NCOR1: variants seen among roughly 807,000 people sequenced by gnomAD.
NCOR1 encodes nuclear receptor corepressor 1, also known as protein phosphatase 1, regulatory subunit 109.
NCOR1 carries 63 observed loss-of-function variants against 288.1 expected under a neutral mutation model. The observed-to-expected ratio is 0.22, with a 90% CI of 0.18 to 0.27. The LOEUF (loss-of-function observed/expected upper bound fraction) is 0.27, where lower values mean the gene tolerates loss of function less well. Ranked by LOEUF, NCOR1 falls within the 10% of genes least tolerant of loss-of-function variation. NCOR1 has a pLI of 1.00. For synonymous variants in NCOR1, 1,007 were observed against 1,065.9 expected, an observed-to-expected ratio of 0.94 and a Z score of 1.08; for missense variants, 2,397 against 3,019.2, an observed-to-expected ratio of 0.79 and a Z score of 4.83.
chr17:16,145,632 C>T (rs2077831092), intron 10 of NCOR1, among the ~76,000 whole-genome samples: 2 of 151,722 alleles, frequency 1.3e-5, no homozygotes, highest in African/African-American at 2.4e-5. Context: ...GCAGCCGCCC[C>T]GTCTGGGAAG....
intron 26 of NCOR1, among the ~76,000 whole-genome samples, chr17:16,079,374 A>C (rs2152807205): frequency 6.6e-6 from 1 of 152,350 alleles, no homozygotes; most frequent in Admixed American, 6.5e-5. Context: ...GATTTCCCAA[A>C]ACAGAATTTT....
At chr17:16,211,176 G>A (rs899922037) in intron 1 of NCOR1, among the ~76,000 whole-genome samples, 1 of 152,056 alleles carries the variant, frequency 6.6e-6, no homozygotes, top group Non-Finnish European at 1.5e-5. Flanking sequence ...TCACTTCTCC[G>A]ACCTTCAGTG....
intron 26 of NCOR1, among the ~76,000 whole-genome samples, chr17:16,078,914 T>C (rs973288516): frequency 6.6e-6 from 1 of 152,206 alleles, no homozygotes; most frequent in Non-Finnish European, 1.5e-5. Context: ...AACTTTCTTT[T>C]CTTCTGTTTT....
At chr17:16,095,330 T>G (rs1393646092) in intron 21 of NCOR1, among the ~76,000 whole-genome samples, 1 of 132,338 alleles carries the variant, frequency 7.6e-6, no homozygotes, top group African/African-American at 2.9e-5. Flanking sequence ...TCTGCCCGGC[T>G]GCCACCCCGT....
At chr17:16,046,901 CATT>C in intron 42 of NCOR1, 47 bp downstream of exon 42, 1 of 1,600,452 alleles carries the variant, frequency 6.2e-7, no homozygotes, top group South Asian at 1.1e-5. Context: ...CTGGAGATAT[CATT>C]ATTAATGCAT....
At chr17:16,117,855 G>T in intron 18 of NCOR1, 33 bp downstream of exon 18, 2 of 1,597,874 alleles carry the variant, frequency 1.3e-6, no homozygotes, top group African/African-American at 1.3e-5. Context: ...GTAAAAAACA[G>T]TAAGTAAAGA....
chr17:16,176,120 G>A (rs2084125478), intron 3 of NCOR1, among the ~76,000 whole-genome samples: 1 of 152,124 alleles, frequency 6.6e-6, no homozygotes, highest in South Asian at 2.1e-4. Context: ...TTGGGAGGCT[G>A]AGGTAGGAGA....
chr17:16,082,329 G>C (rs947377842), intron 23 of NCOR1, among the ~76,000 whole-genome samples: 25 of 152,092 alleles, frequency 1.6e-4, no homozygotes, highest in African/African-American at 6.0e-4. Flanking sequence ...ACAGAGCAGG[G>C]AACAGAAAAT....
intron 14 of NCOR1, among the ~76,000 whole-genome samples, chr17:16,136,781 TG>T (rs2076471724): frequency 7.5e-6 from 1 of 132,964 alleles, no homozygotes; most frequent in African/African-American, 3.1e-5. Flanking sequence ...CACTCCAGCC[TG>T]GGCGACAGAG....
intron 32 of NCOR1, among the ~76,000 whole-genome samples, chr17:16,067,286 T>C (rs1393354408): frequency 6.6e-6 from 1 of 152,252 alleles, no homozygotes; most frequent in Non-Finnish European, 1.5e-5. Flanking sequence ...TGACATAATT[T>C]GTAAATCAAG....
Position 16,047,110 on chromosome 17 carries a change from T to A in NCOR1, c.6537-17A>T. The stretch of plus-strand genomic sequence containing the variant: ...GCATCATTCCTGTTAGGGCCAAAGT[T>A]AAGTATATTACAACCACGTACTCCT... On this transcript the variant is annotated splice_polypyrimidine_tract_variant and intron_variant, in intron 41 of 45. Coordinates refer to ENST00000268712, the MANE Select transcript of NCOR1 (RefSeq NM_006311.4). 4 of 1,605,638 alleles carry A rather than the reference T, an allele frequency of 2.5e-6. No homozygotes were observed. The highest frequency in any genetic ancestry group is 3.4e-6 in the Non-Finnish European group (4 of 1,176,022).
intron 1 of NCOR1, among the ~76,000 whole-genome samples, chr17:16,208,829 C>T (rs900619221): frequency 2.6e-5 from 4 of 151,792 alleles, no homozygotes; most frequent in African/African-American, 9.7e-5. Flanking sequence ...CAGAGACAGA[C>T]CCTCTGTAAA....
At chr17:16,160,850 T>G (rs2080704360) in intron 5 of NCOR1, among the ~76,000 whole-genome samples, 1 of 151,984 alleles carries the variant, frequency 6.6e-6, no homozygotes, top group African/African-American at 2.4e-5. Flanking sequence ...AATCAGACCA[T>G]GCCCAAATGA....
intron 3 of NCOR1, among the ~76,000 whole-genome samples, chr17:16,182,784 T>C (rs2085765360): frequency 1.3e-5 from 2 of 152,042 alleles, no homozygotes; most frequent in African/African-American, 2.4e-5. Context: ...AGTAGAAATA[T>C]ATGAAAGTGA....
intron 3 of NCOR1, among the ~76,000 whole-genome samples, chr17:16,180,763 A>C (rs2085237959): frequency 6.6e-6 from 1 of 151,954 alleles, no homozygotes; most frequent in South Asian, 2.1e-4. Context: ...AAAAGAATAA[A>C]ACAACAACCA....
intron 3 of NCOR1, among the ~76,000 whole-genome samples, chr17:16,183,633 G>C (rs1224622052): frequency 1.3e-5 from 2 of 152,032 alleles, no homozygotes; most frequent in African/African-American, 4.8e-5. Flanking sequence ...TGGATCAAAA[G>C]AATGTTGCAA....
chr17:16,033,934 G>T lies in NCOR1; in HGVS notation c.7135+831C>A, dbSNP rs190385161. 4.1e-4 allele frequency among the ~76,000 whole-genome samples: 63 copies of T among 152,168 alleles called. 1 individual carries two copies. The East Asian group carries it at 8.5e-3, about 21-fold the overall frequency. Reference sequence around the variant, plus strand: ...GATTCTCCCACCTCTGACCTCAAGTGATCTGCCCGCCTCAGCCTCCCAAAA... The same window carrying T: ...GATTCTCCCACCTCTGACCTCAAGTTATCTGCCCGCCTCAGCCTCCCAAAA... On this transcript the variant is annotated intron_variant, in intron 45 of 45. Transcript: ENST00000268712.
chr17:16,091,671 G>A (rs750309945), intron 22 of NCOR1, 192 bp downstream of exon 22: 218 of 1,395,662 alleles, frequency 1.6e-4, no homozygotes, highest in Non-Finnish European at 1.9e-4. Context: ...AATGTTACTG[G>A]CATCCTTTAG....
chr17:16,073,188 T>A (rs1024395466), intron 28 of NCOR1, among the ~76,000 whole-genome samples: 4 of 152,206 alleles, frequency 2.6e-5, no homozygotes, highest in African/African-American at 9.7e-5. Flanking sequence ...TAGTAACCTA[T>A]GATATGACCA....
Sources: allele counts gnomAD v4.1 joint callset (sites outside exome capture counted in the v4.1 genomes callset), GRCh38; gene constraint gnomAD v4.1.1; transcripts MANE v1.5; gene names NCBI Gene and HGNC (gene_info 2026-07-23, HGNC 2026-07-21).